STARD13: variants seen among roughly 807,000 people sequenced by gnomAD.
The protein encoded by STARD13 is StAR related lipid transfer domain containing 13.
In STARD13, 62 loss-of-function variants were observed where a neutral mutation model predicts 106.4. The ratio of observed to expected loss-of-function variants is 0.58; its 90% CI spans 0.48 to 0.72. STARD13 has a LOEUF of 0.72. Ranked by LOEUF, STARD13 falls within the 30% of genes least tolerant of loss-of-function variation. STARD13 has a pLI of 0.00. For missense variants in STARD13, 1,387 were observed against 1,424.0 expected (o/e 0.97, Z 0.42); for synonymous variants, 565 against 553.0 (o/e 1.02, Z -0.31).
At chr13:33,324,114 A>G (rs745915352) in intron 1 of STARD13, among the ~76,000 whole-genome samples, 2 of 152,264 alleles carry the variant, frequency 1.3e-5, no homozygotes, top group Non-Finnish European at 2.9e-5. Context: ...ATAATGTGAC[A>G]TATAAATTTA....
chr13:33,325,115 AG>A (rs2077758867), intron 1 of STARD13, among the ~76,000 whole-genome samples: 1 of 152,200 alleles, frequency 6.6e-6, no homozygotes, highest in African/African-American at 2.4e-5. Flanking sequence ...CACATCAAAA[AG>A]TTTGTCACAG....
chr13:33,346,612 G>A (rs897379815), downstream of STARD13, among the ~76,000 whole-genome samples: 1 of 151,868 alleles, frequency 6.6e-6, no homozygotes, highest in Non-Finnish European at 1.5e-5. Context: ...AGGTTTGTTT[G>A]TTTATTTATT....
the STARD13 span, among the ~76,000 whole-genome samples, chr13:33,652,666 T>C: frequency 1.3e-5 from 2 of 152,250 alleles, no homozygotes; most frequent in South Asian, 4.1e-4. Flanking sequence ...AATGAGTCAG[T>C]TATATCTGGT....
intron 1 of STARD13, among the ~76,000 whole-genome samples, chr13:33,245,125 G>C (rs1366606618): frequency 6.6e-6 from 1 of 152,216 alleles, no homozygotes; most frequent in African/African-American, 2.4e-5. Context: ...CCGCAGAGCT[G>C]AGTTTCACTG....
At chr13:33,193,736 G>GAAAAC (rs1189964937) in intron 1 of STARD13, among the ~76,000 whole-genome samples, 2 of 152,222 alleles carry the variant, frequency 1.3e-5, no homozygotes, top group African/African-American at 2.4e-5. Flanking sequence ...TTTGAAGCAG[G>GAAAAC]AAAACAAAAC....
At chr13:33,157,434 G>A (rs886479273) in intron 3 of STARD13, among the ~76,000 whole-genome samples, 2 of 152,156 alleles carry the variant, frequency 1.3e-5, no homozygotes, top group African/African-American at 4.8e-5. Flanking sequence ...TTGTGAGGCC[G>A]AGTTGGGTGA....
At chr13:33,127,239 CT>C (rs1877310490) in intron 6 of STARD13, 133 bp downstream of exon 6, 6 of 1,007,288 alleles carry the variant, frequency 6.0e-6, no homozygotes, top group Non-Finnish European at 8.2e-6. Context: ...GAGCTCATGC[CT>C]TATGTCCAGG....
the STARD13 span, among the ~76,000 whole-genome samples, chr13:33,567,258 A>T: frequency 6.7e-6 from 1 of 148,706 alleles, no homozygotes; most frequent in Non-Finnish European, 1.5e-5. Context: ...AATAAAACTT[A>T]CAATGGCTGA....
At chr13:33,362,362 G>A in the STARD13 span, among the ~76,000 whole-genome samples, 2 of 152,132 alleles carry the variant, frequency 1.3e-5, no homozygotes, top group Non-Finnish European at 2.9e-5. Flanking sequence ...CCGTCCCCGT[G>A]ATCCATTCAC....
intron 1 of STARD13, among the ~76,000 whole-genome samples, chr13:33,226,073 A>T (rs2138193452): frequency 6.6e-6 from 1 of 152,356 alleles, no homozygotes; most frequent in South Asian, 2.1e-4. Flanking sequence ...CACAGCAAGA[A>T]GGCGGCCATC....
rs186984844 is a variant in STARD13, at chr13:33,104,641, T to C, written c.*952A>G. On this transcript the variant is annotated 3_prime_UTR_variant, in exon 14 of 14. Transcript: ENST00000336934. ...GCCACTGGTCAAATAGAATGACATT[T>C]AATAACATTATGAAATGTATTTATA... The C allele has an allele frequency of 6.5e-6, 1 of 153,054 alleles. No homozygotes were observed. The highest frequency in any genetic ancestry group is 1.5e-5 in the Non-Finnish European group (1 of 68,038). 9.5% of individuals were successfully genotyped at this position (153,054 alleles called of 1,614,324 possible).
intron 1 of STARD13, among the ~76,000 whole-genome samples, chr13:33,317,118 A>T (rs1893370847): frequency 1.3e-5 from 2 of 151,742 alleles, no homozygotes; most frequent in South Asian, 2.1e-4. Flanking sequence ...CTCTGTATAT[A>T]CTCATTTACT....
At chr13:33,451,126 C>T in the STARD13 span, among the ~76,000 whole-genome samples, 5 of 152,134 alleles carry the variant, frequency 3.3e-5, no homozygotes, top group Non-Finnish European at 1.5e-5. Flanking sequence ...GCAATCCTTC[C>T]ACCTCTATCT....
chr13:33,375,761 T>C, the STARD13 span, among the ~76,000 whole-genome samples: 11 of 152,128 alleles, frequency 7.2e-5, no homozygotes, highest in Admixed American at 1.3e-4. Flanking sequence ...GTGGAGATTG[T>C]GGGAACTACA....
chr13:33,479,459 TAA>T, the STARD13 span, among the ~76,000 whole-genome samples: 3 of 152,138 alleles, frequency 2.0e-5, no homozygotes, highest in Admixed American at 2.0e-4. Context: ...ACAAAAGACC[TAA>T]AAGAGTCAAA....
chr13:33,418,219 T>C, the STARD13 span, among the ~76,000 whole-genome samples: 2 of 152,102 alleles, frequency 1.3e-5, no homozygotes, highest in Non-Finnish European at 2.9e-5. Context: ...CCTGGAAAAA[T>C]AGGACACTTT....
chr13:33,151,187 A>G (rs1793032315), intron 3 of STARD13, among the ~76,000 whole-genome samples: 1 of 151,940 alleles, frequency 6.6e-6, no homozygotes, highest in South Asian at 2.1e-4. Flanking sequence ...TTGCAAATAT[A>G]TGAAAAGGGG....
chr13:33,156,857 A>G (rs1485932728), intron 3 of STARD13, among the ~76,000 whole-genome samples: 1 of 152,212 alleles, frequency 6.6e-6, no homozygotes, highest in East Asian at 1.9e-4. Context: ...GTATTTATTT[A>G]TAGACTCAAG....
chr13:33,167,124 G>A (rs1452628806), intron 2 of STARD13, among the ~76,000 whole-genome samples: 1 of 151,888 alleles, frequency 6.6e-6, no homozygotes, highest in East Asian at 1.9e-4. Flanking sequence ...TTCATATAAA[G>A]TAAACAGAAT....
Sources: allele counts gnomAD v4.1 joint callset (sites outside exome capture counted in the v4.1 genomes callset), GRCh38; gene constraint gnomAD v4.1.1; transcripts MANE v1.5; gene names NCBI Gene and HGNC (gene_info 2026-07-23, HGNC 2026-07-21).